KIF26A: variants seen among roughly 807,000 people sequenced by gnomAD.
KIF26A encodes the protein kinesin family member 26A.
In KIF26A, 74 loss-of-function variants were observed where a neutral mutation model predicts 126.0. That is an observed-to-expected ratio of 0.59 (90% CI 0.49 to 0.71). The LOEUF (loss-of-function observed/expected upper bound fraction) is 0.71. Ranked by LOEUF, KIF26A falls within the 30% of genes least tolerant of loss-of-function variation. KIF26A has a pLI of 0.00. For missense variants in KIF26A, 2,984 were observed against 2,763.3 expected, an observed-to-expected ratio of 1.08 and a Z score of -1.79; for synonymous variants, 1,445 against 1,232.7, an observed-to-expected ratio of 1.17 and a Z score of -3.61.
intron 5 of KIF26A, among the ~76,000 whole-genome samples, chr14:104,169,419 C>A (rs939237996): frequency 1.3e-5 from 2 of 152,196 alleles, no homozygotes; most frequent in African/African-American, 4.8e-5. Flanking sequence ...CTCCTGGGGG[C>A]AGCCTTGGCC....
chr14:104,157,191 G>A (rs1224962069), intron 3 of KIF26A, among the ~76,000 whole-genome samples: 1 of 152,206 alleles, frequency 6.6e-6, no homozygotes, highest in Non-Finnish European at 1.5e-5. Flanking sequence ...TCATTATGAG[G>A]AGGCCTCCCT....
chr14:104,157,845 G>A lies in KIF26A; in HGVS notation c.826G>A (p.Gly276Ser), dbSNP rs1186110634. The part of the protein sequence containing the change: ...AGPDGLSKAW[G>S]RGGVCTSALV... ...CCCTGATGGCTTGTCGAAGGCCTGG[G>A]GCCGTGGTGGAGTCTGCACGTCAGC... The change falls in exon 4 of 15, where the codon GGC becomes AGC. Residue 276 changes from glycine (G) to serine (S), a missense_variant. Transcript: ENST00000423312. The A allele has an allele frequency of 6.8e-6, 11 of 1,609,128 alleles. No homozygotes were observed. The highest frequency in any genetic ancestry group is 1.7e-5 in the Admixed American group (1 of 59,750).
At chr14:104,159,662 C>T (rs1249836448) in intron 4 of KIF26A, among the ~76,000 whole-genome samples, 5 of 152,220 alleles carry the variant, frequency 3.3e-5, no homozygotes, top group Admixed American at 6.5e-5. Context: ...TCTCCCAAGG[C>T]GGGGGCGCTG....
chr14:104,165,386 GTGTC>G (rs1325535824), intron 4 of KIF26A, among the ~76,000 whole-genome samples: 2 of 109,336 alleles, frequency 1.8e-5, no homozygotes, highest in African/African-American at 4.3e-5. Flanking sequence ...ATGTGTCTCT[GTGTC>G]TGTATGCATA....
chr14:104,179,865 TG>T lies in KIF26A; in HGVS notation c.*80del. The T allele has an allele frequency of 8.5e-7, 1 of 1,180,190 alleles. No individual in the cohort carries two copies. The highest frequency in any genetic ancestry group is 1.1e-6 in the Non-Finnish European group (1 of 930,212). The allele number at this position is 1,180,190 out of a possible 1,614,324, so 73.1% of individuals were successfully genotyped here. ...GACGTGGGACGGAGCGAGGATGTGG[TG>T]GGGGCTGCGGGGGGAGGATGCGGAG... On this transcript the variant is annotated 3_prime_UTR_variant, in exon 15 of 15. Coordinates refer to ENST00000423312, the MANE Select transcript of KIF26A (RefSeq NM_015656.2).
At chr14:104,150,187 C>CTCA (rs2037714830) in intron 2 of KIF26A, among the ~76,000 whole-genome samples, 1 of 120,924 alleles carries the variant, frequency 8.3e-6, no homozygotes, top group Non-Finnish European at 1.8e-5. Context: ...CCTTCCCCTC[C>CTCA]TCATCCCCCT....
At chr14:104,171,375 C>T (rs71417901) in intron 5 of KIF26A, among the ~76,000 whole-genome samples, 3,286 of 152,356 alleles carry the variant, frequency 0.022, 62 homozygotes, top group Non-Finnish European at 0.029. Flanking sequence ...GCTCCTCCCT[C>T]CTGCCCTCTC....
chr14:104,176,646 G>A lies in KIF26A; in HGVS notation c.3858G>A (p.Gly1286=), dbSNP rs764348320. Residue 1286 remains glycine, a synonymous_variant, in exon 12 of 15, where the codon GGG becomes GGA. Coordinates refer to ENST00000423312, the MANE Select transcript of KIF26A (RefSeq NM_015656.2). ...CCTGTGCCCAGAGAGTGGTGGACGG[G>A]TGTGAGGTGGCAGCCAGGGCGGCCC... The part of the protein sequence containing the change: ...MLACAQRVVD[G]CEVAARAARR... The A allele has an allele frequency of 8.1e-6, 13 of 1,602,894 alleles. No homozygotes were observed. The Admixed American group carries it at 2.2e-4, about 27-fold the overall frequency.
intron 4 of KIF26A, among the ~76,000 whole-genome samples, chr14:104,159,268 G>A (rs1008806568): frequency 1.6e-4 from 24 of 152,214 alleles, no homozygotes; most frequent in Non-Finnish European, 3.5e-4. Context: ...AGCCCACCCC[G>A]TCACAACCGG....
chr14:104,176,707 C>A lies in KIF26A; in HGVS notation c.3919C>A (p.Arg1307=), dbSNP rs760321598. Residue 1307 remains arginine, a synonymous_variant, in exon 12 of 15, where the codon CGG becomes AGG. Transcript: ENST00000423312. ...GGCTGTGGCTCGGATCCCACCGCTG[C>A]GGAGGGGTGCCACCACGCTGGGTGT... ...PEAVARIPPL[R]RGATTLGVTT... The A allele has an allele frequency of 1.1e-4, 180 of 1,586,418 alleles. No homozygotes were observed. Among genetic ancestry groups the A allele is most frequent in the Non-Finnish European group, 1.3e-4 (148 of 1,167,322 alleles).
intron 4 of KIF26A, among the ~76,000 whole-genome samples, chr14:104,165,761 A>G (rs1442087862): frequency 4.8e-5 from 7 of 146,182 alleles, no homozygotes; most frequent in African/African-American, 7.6e-5. Flanking sequence ...GTGTTTCTGT[A>G]TGCATGTGTG....
chr14:104,165,259 G>C lies in KIF26A; in HGVS notation c.924-1600G>C, dbSNP rs373976851. ...TGTGTCTCTGTCTCCATATGCATGTGTGTGTCTGTATCTCTATGCATGTGT... is the reference window on the plus strand; with the variant it reads ...TGTGTCTCTGTCTCCATATGCATGTCTGTGTCTGTATCTCTATGCATGTGT... On this transcript the variant is annotated intron_variant, in intron 4 of 14. Transcript: ENST00000423312. Among the ~76,000 whole-genome samples, 95 of 151,728 alleles carry C rather than the reference G, an allele frequency of 6.3e-4. No individual in the cohort carries two copies. The East Asian group carries it at 0.011, about 18-fold the overall frequency.
intron 2 of KIF26A, among the ~76,000 whole-genome samples, chr14:104,146,721 G>A (rs568097443): frequency 6.6e-6 from 1 of 152,294 alleles, no homozygotes; most frequent in South Asian, 2.1e-4. Context: ...CTCCTGGGGC[G>A]GCAGTGTTTG....
chr14:104,172,651 T>C lies in KIF26A; in HGVS notation c.1403T>C (p.Phe468Ser). The C allele has an allele frequency of 6.2e-7, 1 of 1,612,918 alleles. No individual in the cohort carries two copies. Among genetic ancestry groups the C allele is most frequent in the Non-Finnish European group, 8.5e-7 (1 of 1,179,594 alleles). ...GGGGCTGATGGCTGCATTTTTTCCT[T>C]TGGCCACATGAGCCTGGGTAAGCAC... ...VSGADGCIFS[F>S]GHMSLGKSYT... Residue 468 changes from phenylalanine (F) to serine (S), a missense_variant, in exon 7 of 15, where the codon TTT (phenylalanine) becomes TCT (serine). Physicochemically the swap from Phe to Ser is radical, Grantham distance 155. Coordinates refer to ENST00000423312, the MANE Select transcript of KIF26A (RefSeq NM_015656.2).
intron 3 of KIF26A, among the ~76,000 whole-genome samples, chr14:104,157,001 G>A (rs988436409): frequency 3.9e-5 from 6 of 152,146 alleles, no homozygotes; most frequent in African/African-American, 9.7e-5. Context: ...GGGCCGGGGC[G>A]AGGGGTGGCC....
rs371174318 is a variant in KIF26A at position 104,176,452 on chromosome 14, C to T, written c.3664C>T (p.Arg1222Cys). 42 of 1,606,302 alleles carry T rather than the reference C, an allele frequency of 2.6e-5. No individual in the cohort carries two copies. The highest frequency in any genetic ancestry group is 1.1e-4 in the African/African-American group (8 of 74,868). ...ACCGAGGACTGCCTCTGCCACCACC[C>T]GTGTGGGCTGTGCTCGCCTGGGCCA... ...RKPRTASATTRVGCARLGQSP... is the reference protein window; with the variant it reads ...RKPRTASATTCVGCARLGQSP... Residue 1222 changes from arginine (R) to cysteine (C), a missense_variant, in exon 12 of 15, where the codon CGT becomes TGT. Arg to Cys is a radical substitution (Grantham distance 180). Transcript: ENST00000423312.
intron 2 of KIF26A, among the ~76,000 whole-genome samples, chr14:104,139,747 G>A (rs1042333633): frequency 1.3e-5 from 2 of 152,228 alleles, no homozygotes; most frequent in African/African-American, 4.8e-5. Flanking sequence ...CAGGTGAAAG[G>A]GTGGGCCACA....
At chr14:104,144,094 G>A (rs1272165297) in intron 2 of KIF26A, among the ~76,000 whole-genome samples, 2 of 152,224 alleles carry the variant, frequency 1.3e-5, no homozygotes, top group South Asian at 2.1e-4. Flanking sequence ...CTGGACAGGC[G>A]GTGCTGCCTC....
At chr14:104,143,363 C>T (rs2037653652) in intron 2 of KIF26A, among the ~76,000 whole-genome samples, 1 of 152,342 alleles carries the variant, frequency 6.6e-6, no homozygotes, top group Non-Finnish European at 1.5e-5. Flanking sequence ...AGCCCTCCTA[C>T]CGCTCTGTGT....
Sources: gnomAD v4.1 joint callset for allele counts (sites outside exome capture counted in the v4.1 genomes callset) on GRCh38, gnomAD v4.1.1 for gene constraint, MANE v1.5 for transcripts, NCBI Gene and HGNC (gene_info 2026-07-23, HGNC 2026-07-21) for gene names.